The following ATP10B variants were observed in gnomAD, a reference collection of about 807,000 sequenced individuals.
The protein encoded by ATP10B is ATPase phospholipid transporting 10B (putative).
Under a neutral mutation model 141.2 loss-of-function variants are expected in ATP10B, and 122 were observed. The observed-to-expected ratio is 0.86, with a 90% CI of 0.75 to 1.00. ATP10B has a LOEUF of 1.00. Ranked by LOEUF, ATP10B falls within the 50% of genes least tolerant of loss-of-function variation. The pLI is 0.00. For synonymous variants in ATP10B, 685 were observed against 692.0 expected, an observed-to-expected ratio of 0.99 and a Z score of 0.16; for missense variants, 1,876 against 1,825.3, an observed-to-expected ratio of 1.03 and a Z score of -0.51.
chr5:160,659,635 A>T (rs1019567977), intron 7 of ATP10B, among the ~76,000 whole-genome samples: 3 of 152,014 alleles, frequency 2.0e-5, no homozygotes, highest in African/African-American at 7.2e-5. Flanking sequence ...GTGTGAGGAG[A>T]GTGTGTACCC....
At chr5:160,831,029 A>G (rs984640947) in intron 1 of ATP10B, among the ~76,000 whole-genome samples, 4 of 151,756 alleles carry the variant, frequency 2.6e-5, no homozygotes, top group Non-Finnish European at 5.9e-5. Context: ...GTGGTTAAAG[A>G]CAGACTTTGA....
At chr5:160,864,600 TAA>T in the ATP10B span, among the ~76,000 whole-genome samples, 1 of 150,908 alleles carries the variant, frequency 6.6e-6, no homozygotes, top group African/African-American at 2.4e-5. Context: ...AAAAAAAAAA[TAA>T]AGAGTATCCA....
the ATP10B span, among the ~76,000 whole-genome samples, chr5:160,893,982 G>A: frequency 6.6e-6 from 1 of 152,120 alleles, no homozygotes; most frequent in African/African-American, 2.4e-5. Flanking sequence ...CTAACAAACA[G>A]AAAGGAATAG....
chr5:160,771,719 G>T lies in ATP10B; in HGVS notation c.-331+13840C>A, dbSNP rs138690646. On this transcript the variant is annotated intron_variant, in intron 2 of 25. Coordinates refer to ENST00000327245, the MANE Select transcript of ATP10B (RefSeq NM_025153.3). ...AGAATACAATATTATTAACTATTAT[G>T]CTCATGTTGTACCTTAGCTCTCTGT... Among the ~76,000 whole-genome samples, 589 of 152,184 alleles carry T rather than the reference G, an allele frequency of 3.9e-3. 2 individuals are homozygous for T. The highest frequency in any genetic ancestry group is 0.014 in the African/African-American group (564 of 41,506).
the ATP10B span, among the ~76,000 whole-genome samples, chr5:160,867,465 G>A: frequency 1.4e-4 from 22 of 152,144 alleles, no homozygotes; most frequent in African/African-American, 5.3e-4. Context: ...TTTTATTTTA[G>A]AACACACACA....
the ATP10B span, among the ~76,000 whole-genome samples, chr5:160,916,340 C>T: frequency 6.6e-6 from 1 of 151,534 alleles, no homozygotes; most frequent in Non-Finnish European, 1.5e-5. Flanking sequence ...TATTTGGAGC[C>T]TCAGTTTTCT....
intron 3 of ATP10B, among the ~76,000 whole-genome samples, chr5:160,703,471 G>T (rs1283561360): frequency 9.2e-6 from 1 of 108,600 alleles, no homozygotes; most frequent in African/African-American, 3.7e-5. Context: ...GTTTTGTCTT[G>T]ATGATATTTG....
the ATP10B span, among the ~76,000 whole-genome samples, chr5:160,868,472 C>A: frequency 1.3e-5 from 2 of 148,348 alleles, no homozygotes; most frequent in Non-Finnish European, 1.5e-5. Context: ...AAGAGAAAAA[C>A]CTTGCATATT....
At chr5:160,797,249 T>A (rs1233810300) in intron 1 of ATP10B, among the ~76,000 whole-genome samples, 1 of 152,158 alleles carries the variant, frequency 6.6e-6, no homozygotes, top group African/African-American at 2.4e-5. Context: ...GGCCCACAGA[T>A]ACAGCAAGGG....
chr5:160,677,458 G>A (rs1008765617), intron 6 of ATP10B, among the ~76,000 whole-genome samples: 9 of 152,278 alleles, frequency 5.9e-5, no homozygotes, highest in Admixed American at 4.6e-4. Context: ...GATAATGGAT[G>A]TTTTTCTGTT....
At chr5:160,749,927 C>G (rs567633436) in intron 2 of ATP10B, among the ~76,000 whole-genome samples, 3 of 152,102 alleles carry the variant, frequency 2.0e-5, no homozygotes, top group Non-Finnish European at 2.9e-5. Context: ...TCTCTGAGCC[C>G]GAATGAGAAT....
intron 2 of ATP10B, among the ~76,000 whole-genome samples, chr5:160,736,714 C>T (rs1767140271): frequency 6.6e-6 from 1 of 152,038 alleles, no homozygotes; most frequent in African/African-American, 2.4e-5. Flanking sequence ...GAGCCGAGAT[C>T]GCGCCACTGC....
chr5:160,862,485 A>T, the ATP10B span, among the ~76,000 whole-genome samples: 1 of 151,950 alleles, frequency 6.6e-6, no homozygotes, highest in African/African-American at 2.4e-5. Flanking sequence ...TACCTCCTAC[A>T]GGTTTCTCTG....
chr5:160,770,097 C>T (rs143441162), intron 2 of ATP10B, among the ~76,000 whole-genome samples: 47 of 152,132 alleles, frequency 3.1e-4, no homozygotes, highest in African/African-American at 1.1e-3. Flanking sequence ...AATCCTACCC[C>T]CTTTCCTCCT....
chr5:160,816,842 T>C (rs1181439860), intron 1 of ATP10B, among the ~76,000 whole-genome samples: 2 of 152,112 alleles, frequency 1.3e-5, no homozygotes, highest in Non-Finnish European at 2.9e-5. Flanking sequence ...GCAAGGCTGG[T>C]TCAACATATG....
chr5:160,747,795 C>T (rs1307830229), intron 2 of ATP10B, among the ~76,000 whole-genome samples: 5 of 152,172 alleles, frequency 3.3e-5, no homozygotes, highest in African/African-American at 4.8e-5. Context: ...TAATACACAG[C>T]GCTGTCATAG....
chr5:160,860,693 T>C, the ATP10B span, among the ~76,000 whole-genome samples: 2 of 152,002 alleles, frequency 1.3e-5, no homozygotes, highest in Admixed American at 6.6e-5. Context: ...TTATGTGATA[T>C]TCAGTGCTCC....
chr5:160,584,907 A>ATTGT (rs1755793919), intron 24 of ATP10B, among the ~76,000 whole-genome samples: 1 of 151,952 alleles, frequency 6.6e-6, no homozygotes, highest in Non-Finnish European at 1.5e-5. Context: ...CCTGGCTTTT[A>ATTGT]TTGTTTGGTC....
At chr5:160,812,020 C>CAGAGAG (rs34793101) in intron 1 of ATP10B, among the ~76,000 whole-genome samples, 85 of 111,492 alleles carry the variant, frequency 7.6e-4, no homozygotes, top group African/African-American at 1.9e-3. Flanking sequence ...GAGACAGAGA[C>CAGAGAG]AGAGAGAGAG....
Sources: gnomAD v4.1 joint callset for allele counts (sites outside exome capture counted in the v4.1 genomes callset) on GRCh38, gnomAD v4.1.1 for gene constraint, MANE v1.5 for transcripts, NCBI Gene and HGNC (gene_info 2026-07-23, HGNC 2026-07-21) for gene names.